Variants in GDPD1 observed in about 807,000 individuals in gnomAD.
GDPD1 encodes the protein lysophospholipase D GDPD1.
In GDPD1, 28 loss-of-function variants were observed where a neutral mutation model predicts 45.1. The ratio of observed to expected loss-of-function variants is 0.62; its 90% CI spans 0.46 to 0.85. The LOEUF is 0.85. GDPD1 is among the 40% of genes least tolerant of loss of function. The pLI, the probability that GDPD1 is intolerant of heterozygous loss-of-function variation, is 0.00. For missense variants in GDPD1, 256 were observed against 364.8 expected, an observed-to-expected ratio of 0.70 and a Z score of 2.43; for synonymous variants, 139 against 131.4, an observed-to-expected ratio of 1.06 and a Z score of -0.40.
chr17:59,271,759 G>A (rs979471450), intron 8 of GDPD1, among the ~76,000 whole-genome samples: 3 of 151,382 alleles, frequency 2.0e-5, no homozygotes, highest in Admixed American at 6.6e-5. Flanking sequence ...TCAGCCTCCC[G>A]AGTAGCTGGA....
intron 1 of GDPD1, among the ~76,000 whole-genome samples, chr17:59,223,382 G>A (rs1446879026): frequency 6.6e-6 from 1 of 152,104 alleles, no homozygotes; most frequent in Admixed American, 6.6e-5. Context: ...TGCTTTTGTT[G>A]AATATGTACA....
At chr17:59,237,260 G>A (rs2047139848) in intron 2 of GDPD1, among the ~76,000 whole-genome samples, 1 of 152,070 alleles carries the variant, frequency 6.6e-6, no homozygotes, top group Non-Finnish European at 1.5e-5. Context: ...AAATTAACCG[G>A]GCGTGGTGGT....
intron 1 of GDPD1, among the ~76,000 whole-genome samples, chr17:59,222,196 GTTTGTTTGTTTT>G (rs2047010049): frequency 3.3e-5 from 5 of 151,764 alleles, no homozygotes; most frequent in South Asian, 4.2e-4. Flanking sequence ...TTGTGTTTTT[GTTTGTTTGTTTT>G]TTTGTTTGTT....
At chr17:59,235,719 G>A (rs1364432704) in intron 2 of GDPD1, among the ~76,000 whole-genome samples, 1 of 151,794 alleles carries the variant, frequency 6.6e-6, no homozygotes, top group Non-Finnish European at 1.5e-5. Context: ...CGGGAGTCTG[G>A]GGCATGAGAA....
Position 59,273,761 on chromosome 17 carries a change from C to T in GDPD1, c.933C>T (p.Asn311=). ...CAAAGCTTAGGGATTTTTTACATAA[C>T]TTTTCAGCATAGAAAAAGAGGTACT... ...YPTKLRDFLH[N]FSA The change falls in exon 10 of 10, where the codon AAC becomes AAT. Residue 311 remains asparagine, a synonymous_variant. Transcript: ENST00000284116. The T allele has an allele frequency of 6.4e-7, 1 of 1,570,190 alleles. No individual in the cohort carries two copies. Among genetic ancestry groups the T allele is most frequent in the Non-Finnish European group, 8.6e-7 (1 of 1,159,794 alleles).
intron 7 of GDPD1, 81 bp downstream of exon 7, chr17:59,267,255 A>G (rs2047406203): frequency 1.6e-6 from 2 of 1,244,380 alleles, no homozygotes; most frequent in Non-Finnish European, 1.2e-6. Context: ...ATCAATATCA[A>G]TGATGAAGAA....
intron 2 of GDPD1, 120 bp from the exon 3 acceptor site, chr17:59,245,294 T>C (rs2047201888): frequency 1.5e-6 from 1 of 678,138 alleles, no homozygotes; most frequent in Non-Finnish European, 2.6e-6. Context: ...AGTGATGGTA[T>C]TAAGGAGATA....
chr17:59,239,744 T>A (rs1191346868), intron 2 of GDPD1, among the ~76,000 whole-genome samples: 2 of 149,276 alleles, frequency 1.3e-5, no homozygotes, highest in East Asian at 2.0e-4. Flanking sequence ...TAGAAAGATT[T>A]CTGAGGTAAT....
Position 59,220,511 on chromosome 17 carries a change from G to A in GDPD1, c.-99G>A, listed in dbSNP as rs1019050358. ...TGCACCAGTGGCACCGGCTGGGGGC[G>A]AGCCGACCTCGAGCAGCCGCCGCCG... On this transcript the variant is annotated 5_prime_UTR_variant, in exon 1 of 10. Coordinates refer to ENST00000284116, the MANE Select transcript of GDPD1 (RefSeq NM_182569.4). The A allele has an allele frequency of 3.0e-6, 4 of 1,346,092 alleles. No individual in the cohort carries two copies. Among genetic ancestry groups the A allele is most frequent in the South Asian group, 1.3e-5 (1 of 76,778 alleles). The allele number at this position is 1,346,092 out of a possible 1,614,324, so 83.4% of individuals were successfully genotyped here.
At chr17:59,222,979 C>A (rs1275445281) in intron 1 of GDPD1, among the ~76,000 whole-genome samples, 2 of 152,094 alleles carry the variant, frequency 1.3e-5, no homozygotes. Context: ...TGTGAATGAT[C>A]AAAATTTTAT....
At chr17:59,247,779 C>T (rs1178902734) in intron 3 of GDPD1, among the ~76,000 whole-genome samples, 5 of 152,036 alleles carry the variant, frequency 3.3e-5, no homozygotes, top group East Asian at 3.9e-4. Context: ...TACAGGCATG[C>T]GCCACCACAC....
intron 6 of GDPD1, among the ~76,000 whole-genome samples, chr17:59,262,864 G>A (rs2047368383): frequency 6.6e-6 from 1 of 152,004 alleles, no homozygotes; most frequent in South Asian, 2.1e-4. Flanking sequence ...CCGACCTCAG[G>A]TGATCCGCCC....
At chr17:59,226,552 GTCA>G (rs1265490132) in intron 1 of GDPD1, among the ~76,000 whole-genome samples, 1 of 151,784 alleles carries the variant, frequency 6.6e-6, no homozygotes, top group Non-Finnish European at 1.5e-5. Flanking sequence ...TATTAATTAG[GTCA>G]TCATAAAAAT....
chr17:59,223,896 G>T (rs1173103640), intron 1 of GDPD1, among the ~76,000 whole-genome samples: 1 of 152,172 alleles, frequency 6.6e-6, no homozygotes, highest in Non-Finnish European at 1.5e-5. Flanking sequence ...AGGCGACAGT[G>T]CGAGACTCCG....
At chr17:59,240,948 T>C (rs2047170904) in intron 2 of GDPD1, among the ~76,000 whole-genome samples, 1 of 152,214 alleles carries the variant, frequency 6.6e-6, no homozygotes, top group Non-Finnish European at 1.5e-5. Context: ...GTCCCATTTT[T>C]ATCTTTTATA....
At chr17:59,256,688 T>A (rs1455898512) in intron 4 of GDPD1, among the ~76,000 whole-genome samples, 2 of 152,182 alleles carry the variant, frequency 1.3e-5, no homozygotes, top group African/African-American at 4.8e-5. Context: ...AGTATCATGG[T>A]TGTGATATTG....
intron 1 of GDPD1, among the ~76,000 whole-genome samples, chr17:59,224,471 A>G (rs1250018334): frequency 6.6e-6 from 1 of 151,984 alleles, no homozygotes; most frequent in Non-Finnish European, 1.5e-5. Context: ...AAAATACAAA[A>G]AAAGTTAGCT....
chr17:59,224,641 AAAAAACAAAAAC>A (rs557444576), intron 1 of GDPD1, among the ~76,000 whole-genome samples: 2 of 148,036 alleles, frequency 1.4e-5, no homozygotes, highest in Non-Finnish European at 1.5e-5. Context: ...AAAAAAAAAC[AAAAAACAAAAAC>A]AAAAAAAACT....
At chr17:59,228,412 G>A (rs182293394) in intron 1 of GDPD1, among the ~76,000 whole-genome samples, 2 of 152,174 alleles carry the variant, frequency 1.3e-5, no homozygotes, top group African/African-American at 4.8e-5. Context: ...GGGAATGGGA[G>A]GAGAGAAACA....
Sources: gnomAD v4.1 joint callset for allele counts (sites outside exome capture counted in the v4.1 genomes callset) on GRCh38, gnomAD v4.1.1 for gene constraint, MANE v1.5 for transcripts, NCBI Gene and HGNC (gene_info 2026-07-23, HGNC 2026-07-21) for gene names.